LEMD1: variants seen among roughly 807,000 people sequenced by gnomAD.
LEMD1 encodes the protein LEM domain containing 1.
In LEMD1, 18 loss-of-function variants were observed where a neutral mutation model predicts 17.4. The observed-to-expected ratio is 1.04, with a 90% CI of 0.72 to 1.54. LEMD1 has a LOEUF of 1.54. Ranked by LOEUF, LEMD1 falls within the 40% of genes most tolerant of loss-of-function variation. LEMD1 has a pLI of 0.00. For missense variants in LEMD1, 195 were observed against 210.4 expected (o/e 0.93, Z 0.45); for synonymous variants, 88 against 77.8 (o/e 1.13, Z -0.69).
chr1:205,423,607 CTATTCTGCTTGAAAT>C (rs1313885677), upstream of LEMD1, among the ~76,000 whole-genome samples: 1 of 152,204 alleles, frequency 6.6e-6, no homozygotes, highest in Non-Finnish European at 1.5e-5. Context: ...TATGTGCAAA[CTATTCTGCTTGAAAT>C]TATTCTCTTG....
intron 1 of LEMD1, among the ~76,000 whole-genome samples, chr1:205,420,949 G>T (rs1665934039): frequency 7.2e-6 from 1 of 139,700 alleles, no homozygotes; most frequent in South Asian, 2.3e-4. Context: ...GAGCTGAGAG[G>T]TTTTTTTTTT....
chr1:205,384,511 T>C (rs1663892950), intron 4 of LEMD1, 147 bp from the exon 5 acceptor site: 1 of 520,384 alleles, frequency 1.9e-6, no homozygotes, highest in Non-Finnish European at 3.4e-6. Flanking sequence ...ACAAACTTGT[T>C]TGTCTTTATT....
chr1:205,432,668 G>C (rs55830729), intron 1 of LEMD1, among the ~76,000 whole-genome samples: 7,256 of 152,310 alleles, frequency 0.048, 191 homozygotes, highest in South Asian at 0.099. Context: ...TACAGCCATG[G>C]GCAGAAGTCT....
chr1:205,436,640 G>A (rs1192181421), intron 1 of LEMD1: 1 of 152,096 alleles, frequency 6.6e-6, no homozygotes, highest in Non-Finnish European at 1.5e-5. Context: ...TCTTGCTTTT[G>A]GGTCAGAGAG....
At chr1:205,422,081 C>T (rs186097029), upstream of LEMD1, 12 of 152,298 alleles carry the variant, frequency 7.9e-5, 1 homozygote, top group East Asian at 2.3e-3. Context: ...CAACCAGTCC[C>T]TTTTTGCCTG....
chr1:205,437,874 C>A (rs1666233966), intron 1 of LEMD1: 1 of 152,152 alleles, frequency 6.6e-6, no homozygotes, highest in Non-Finnish European at 1.5e-5. Flanking sequence ...GTGCTCCTTG[C>A]ATCCCACTCT....
intron 1 of LEMD1, among the ~76,000 whole-genome samples, chr1:205,429,489 A>G (rs1377511815): frequency 6.6e-6 from 1 of 152,210 alleles, no homozygotes; most frequent in Non-Finnish European, 1.5e-5. Context: ...GGCCATATGC[A>G]GCTCTGGGCT....
intron 1 of LEMD1, among the ~76,000 whole-genome samples, chr1:205,445,437 C>A (rs1666372001): frequency 6.6e-6 from 1 of 152,234 alleles, no homozygotes; most frequent in Non-Finnish European, 1.5e-5. Context: ...CCTTCTTGGC[C>A]TGCTTGAGCC....
intron 4 of LEMD1, among the ~76,000 whole-genome samples, chr1:205,393,166 G>A (rs1214997198): frequency 6.6e-6 from 1 of 152,012 alleles, no homozygotes; most frequent in Non-Finnish European, 1.5e-5. Context: ...AAAAGAAAAA[G>A]AAAACCCAGT....
At chr1:205,397,142 C>T (rs910366276) in intron 4 of LEMD1, among the ~76,000 whole-genome samples, 21 of 152,136 alleles carry the variant, frequency 1.4e-4, no homozygotes, top group African/African-American at 4.6e-4. Flanking sequence ...AAAGACGAGC[C>T]TTTGCTTCCG....
At chr1:205,390,195 A>G (rs371794080) in intron 4 of LEMD1, among the ~76,000 whole-genome samples, 27 of 152,212 alleles carry the variant, frequency 1.8e-4, no homozygotes, top group African/African-American at 6.3e-4. Context: ...CCTCTACTAA[A>G]AATACAAAAA....
At chr1:205,431,708 T>C (rs551212665) in intron 1 of LEMD1, among the ~76,000 whole-genome samples, 2 of 151,870 alleles carry the variant, frequency 1.3e-5, no homozygotes, top group East Asian at 3.9e-4. Flanking sequence ...ACACGGAAGC[T>C]TTTTTCTTTC....
Position 205,429,421 on chromosome 1 carries a change from G to A in LEMD1, c.-38-8847C>T, listed in dbSNP as rs150718569. 5.5e-3 allele frequency among the ~76,000 whole-genome samples: 845 copies of A among 152,270 alleles called. 2 individuals are homozygous for A. Among genetic ancestry groups the A allele is most frequent in the African/African-American group, 0.019 (799 of 41,546 alleles). On this transcript the variant is annotated intron_variant, in intron 1 of 3. Coordinates refer to the LEMD1 transcript ENST00000367154. ...TTGTGGCTTGGCTCATTTCAATGCCGCATTGTGTCAGGCAGATATGAGGGC... is the reference window on the plus strand; with the variant it reads ...TTGTGGCTTGGCTCATTTCAATGCCACATTGTGTCAGGCAGATATGAGGGC...
At chr1:205,425,399 G>A (rs776206108), upstream of LEMD1, among the ~76,000 whole-genome samples, 4 of 152,158 alleles carry the variant, frequency 2.6e-5, no homozygotes, top group African/African-American at 7.2e-5. Context: ...GGGAGGACAG[G>A]GAAGCAGCTC....
intron 4 of LEMD1, among the ~76,000 whole-genome samples, chr1:205,409,088 C>G (rs1053836931): frequency 1.2e-4 from 19 of 152,182 alleles, no homozygotes; most frequent in African/African-American, 4.3e-4. Context: ...ATCCACCCAC[C>G]TCAGCCTCTC....
At chr1:205,410,459 A>G (rs1303803325) in intron 4 of LEMD1, among the ~76,000 whole-genome samples, 1 of 152,176 alleles carries the variant, frequency 6.6e-6, no homozygotes, top group Non-Finnish European at 1.5e-5. Flanking sequence ...ATCTCTCAAG[A>G]GACTACATCA....
intron 2 of LEMD1, 113 bp from the exon 3 acceptor site, chr1:205,419,465 T>A: frequency 8.2e-7 from 1 of 1,224,860 alleles, no homozygotes; most frequent in Non-Finnish European, 1.2e-6. Context: ...ACATTATTGG[T>A]TAATTATGGC....
chr1:205,385,834 G>C (rs943487345), intron 4 of LEMD1: 1 of 152,290 alleles, frequency 6.6e-6, no homozygotes, highest in Non-Finnish European at 1.5e-5. Context: ...CTGCGGTGCT[G>C]TCAGAGCCTG....
chr1:205,392,042 C>G (rs891441131), intron 4 of LEMD1, among the ~76,000 whole-genome samples: 4 of 150,770 alleles, frequency 2.7e-5, no homozygotes, highest in Non-Finnish European at 5.9e-5. Flanking sequence ...ACCCGGGAGG[C>G]GGAGGTTTAA....
Sources: allele counts gnomAD v4.1 joint callset (sites outside exome capture counted in the v4.1 genomes callset), GRCh38; gene constraint gnomAD v4.1.1; transcripts MANE v1.5; gene names NCBI Gene and HGNC (gene_info 2026-07-23, HGNC 2026-07-21).